The following INCA1 variants were observed in gnomAD, a reference collection of about 807,000 sequenced individuals.
The protein encoded by INCA1 is inhibitor of CDK, cyclin A1 interacting protein 1, also known as protein INCA1.
Under a neutral mutation model 25.7 loss-of-function variants are expected in INCA1, and 28 were observed. The ratio of observed to expected loss-of-function variants is 1.09; its 90% CI spans 0.81 to 1.49. The LOEUF is 1.49. Ranked by LOEUF, INCA1 falls within the 40% of genes most tolerant of loss-of-function variation. The pLI, the probability that INCA1 is intolerant of heterozygous loss-of-function variation, is 0.00. For synonymous variants in INCA1, 111 were observed against 103.6 expected, an observed-to-expected ratio of 1.07 and a Z score of -0.43; for missense variants, 309 against 290.9, an observed-to-expected ratio of 1.06 and a Z score of -0.45.
At chr17:4,990,302 TC>T (rs1973784626) in intron 2 of INCA1, 37 bp from the exon 3 acceptor site, 5 of 1,588,892 alleles carry the variant, frequency 3.1e-6, no homozygotes, top group African/African-American at 1.3e-5. Flanking sequence ...GTCTGGCTCT[TC>T]CCTTACAGCA....
At chr17:4,989,392 C>T (rs753788876) in intron 5 of INCA1, 36 bp downstream of exon 5, 42 of 1,581,518 alleles carry the variant, frequency 2.7e-5, no homozygotes, top group Middle Eastern at 1.7e-4. Context: ...CCAAATCCTG[C>T]ATGACTCCCA....
intron 1 of INCA1, 86 bp from the exon 2 acceptor site, chr17:4,994,561 G>A: frequency 1.0e-6 from 1 of 982,558 alleles, no homozygotes; most frequent in Non-Finnish European, 1.6e-6. Flanking sequence ...GGAGGCCAAG[G>A]CGGGCGGATC....
exon 5 of INCA1, chr17:4,989,591 G>T: frequency 1.9e-6 from 3 of 1,614,138 alleles, no homozygotes; most frequent in East Asian, 2.2e-5. Flanking sequence ...TGCTCAGGAG[G>T]ATACAGACCA....
exon 5 of INCA1, chr17:4,989,480 C>T (rs1973673371): frequency 6.2e-7 from 1 of 1,614,182 alleles, no homozygotes. Context: ...TAAGTGACAG[C>T]CCTCACCCGG....
At chr17:4,996,666 CAAAAAAAA>C (rs35732129) in intron 1 of INCA1, among the ~76,000 whole-genome samples, 3 of 51,800 alleles carry the variant, frequency 5.8e-5, no homozygotes, top group Admixed American at 3.1e-4. Flanking sequence ...GACTCCGTCT[CAAAAAAAA>C]AAAAAAAAAA....
rs192875264 is a variant in INCA1, at chr17:4,996,144, G to A, written c.-39+859C>T. 2.0e-5 allele frequency among the ~76,000 whole-genome samples: 3 copies of A among 152,184 alleles called. No individual in the cohort carries two copies. In the East Asian group the frequency reaches 5.8e-4, roughly 30 times the overall value. On this transcript the variant is annotated intron_variant, in intron 1 of 6. Coordinates refer to ENST00000576820, the Ensembl canonical transcript of INCA1. Reference sequence around the variant, plus strand: ...TCACGCCTGTAATCCCAGCAATTTGGGAGGCGGAAGTGGGTGGATTGCTCG... The same window carrying A: ...TCACGCCTGTAATCCCAGCAATTTGAGAGGCGGAAGTGGGTGGATTGCTCG...
exon 7 of INCA1, chr17:4,988,525 A>G: frequency 6.2e-7 from 1 of 1,613,548 alleles, no homozygotes; most frequent in South Asian, 1.1e-5. Flanking sequence ...CCTCCTCCTG[A>G]TCCAGGGGGC....
exon 7 of INCA1, chr17:4,988,539 A>G: frequency 6.2e-7 from 1 of 1,611,034 alleles, no homozygotes; most frequent in Non-Finnish European, 8.5e-7. Context: ...AGGGGGCTCC[A>G]GGGAGACCAA....
At chr17:4,990,085 T>C in intron 3 of INCA1, 67 bp downstream of exon 3, 14 of 1,610,758 alleles carry the variant, frequency 8.7e-6, no homozygotes, top group Non-Finnish European at 1.2e-5. Context: ...TATTGCTATA[T>C]GGGTTTATGG....
intron 1 of INCA1, among the ~76,000 whole-genome samples, chr17:4,995,289 G>C (rs1265452430): frequency 6.6e-6 from 1 of 152,188 alleles, no homozygotes; most frequent in East Asian, 1.9e-4. Flanking sequence ...AGTGGATGTG[G>C]TAAAAAGATA....
intron 2 of INCA1, among the ~76,000 whole-genome samples, chr17:4,991,039 C>A (rs966269634): frequency 5.3e-5 from 8 of 151,744 alleles, no homozygotes; most frequent in Non-Finnish European, 1.0e-4. Context: ...CTGCCTCAGC[C>A]TCCCGAGTAG....
intron 1 of INCA1, among the ~76,000 whole-genome samples, chr17:4,996,690 A>AAAAAAAAAT (rs1974303949): frequency 7.2e-6 from 1 of 138,182 alleles, no homozygotes; most frequent in Non-Finnish European, 1.6e-5. Flanking sequence ...AAAAAAAAAA[A>AAAAAAAAAT]AGAATACTAG....
chr17:4,991,382 A>G (rs1973865073), intron 2 of INCA1, among the ~76,000 whole-genome samples: 1 of 152,164 alleles, frequency 6.6e-6, no homozygotes, highest in African/African-American at 2.4e-5. Flanking sequence ...AGGTTATATG[A>G]CAGATAGGAT....
chr17:4,990,757 C>G (rs998302229), intron 2 of INCA1, among the ~76,000 whole-genome samples: 1 of 151,296 alleles, frequency 6.6e-6, no homozygotes, highest in Non-Finnish European at 1.5e-5. Context: ...GTGGCGGGCA[C>G]CTGTAATCCC....
chr17:4,996,328 G>A (rs1451265800), intron 1 of INCA1, among the ~76,000 whole-genome samples: 2 of 151,828 alleles, frequency 1.3e-5, no homozygotes, highest in East Asian at 3.9e-4. Flanking sequence ...AGTGAGGTAA[G>A]ATCGCACCAC....
chr17:4,989,652 T>G (rs752210168), intron 4 of INCA1, 28 bp from the exon 5 acceptor site: 42 of 1,608,734 alleles, frequency 2.6e-5, no homozygotes, highest in Non-Finnish European at 3.5e-5. Flanking sequence ...GAAAAAGAGC[T>G]AGAAAGAAGA....
At chr17:4,989,575 G>A in exon 5 of INCA1, 2 of 1,614,238 alleles carry the variant, frequency 1.2e-6, no homozygotes, top group Non-Finnish European at 1.7e-6. Context: ...TTCAGGGGGT[G>A]GGAGCTGCTC....
intron 2 of INCA1, 45 bp from the exon 3 acceptor site, chr17:4,990,310 A>G (rs772539867): frequency 6.4e-7 from 1 of 1,574,156 alleles, no homozygotes; most frequent in East Asian, 2.2e-5. Flanking sequence ...CTTCCCTTAC[A>G]GCAGTCTACT....
rs371239957 is a variant in INCA1 at position 4,994,445 on chromosome 17, C to T, written c.-8G>A. On this transcript the variant is annotated 5_prime_UTR_variant, in exon 2 of 7. Coordinates refer to ENST00000576820, the Ensembl canonical transcript of INCA1. ...ATCATCCTGCACCTGCATGACTGGACGGGGCTGGGTAGTTAGTCTCCTTTT... is the reference window on the plus strand; with the variant it reads ...ATCATCCTGCACCTGCATGACTGGATGGGGCTGGGTAGTTAGTCTCCTTTT... 45 of 1,613,040 alleles carry T rather than the reference C, an allele frequency of 2.8e-5. 1 individual carries two copies. In the East Asian group the frequency reaches 3.6e-4, roughly 13 times the overall value.
Sources: allele counts gnomAD v4.1 joint callset (sites outside exome capture counted in the v4.1 genomes callset), GRCh38; gene constraint gnomAD v4.1.1; transcripts MANE v1.5; gene names NCBI Gene and HGNC (gene_info 2026-07-23, HGNC 2026-07-21).